Variants in DPYD observed in about 807,000 individuals in gnomAD.
The protein encoded by DPYD is dihydropyrimidine dehydrogenase [NADP(+)].
Under a neutral mutation model 116.2 loss-of-function variants are expected in DPYD, and 109 were observed. The observed-to-expected ratio is 0.94, with a 90% CI of 0.80 to 1.10. The LOEUF (loss-of-function observed/expected upper bound fraction) is 1.10. Among genes scored for constraint, DPYD ranks in the 50% least tolerant of loss-of-function variants. The probability of loss-of-function intolerance (pLI) is 0.00; values close to 1 mark genes in which losing one functional copy is unlikely to be tolerated. For missense variants in DPYD, 1,302 were observed against 1,254.5 expected (o/e 1.04, Z -0.57); for synonymous variants, 440 against 432.0 (o/e 1.02, Z -0.23).
chr1:97,161,202 T>C (rs1365974286), intron 20 of DPYD, among the ~76,000 whole-genome samples: 1 of 152,180 alleles, frequency 6.6e-6, no homozygotes, highest in African/African-American at 2.4e-5. Context: ...CAAGGATTTT[T>C]CCCTTAAATA....
rs17117112 is a variant in DPYD, at chr1:97,760,023, A to T, written c.234-19544T>A. 6.1e-3 allele frequency among the ~76,000 whole-genome samples: 927 copies of T among 152,302 alleles called. 8 individuals are homozygous for T. The highest frequency in any genetic ancestry group is 0.021 in the African/African-American group (869 of 41,576). On this transcript the variant is annotated intron_variant, in intron 3 of 22. Coordinates refer to ENST00000370192, the MANE Select transcript of DPYD (RefSeq NM_000110.4). ...CCCATAGAAAGTGGCTTTTGGGATG[A>T]ATCTTAAAGAACGATGTCTTCAACA... is the stretch of plus-strand genomic sequence containing the variant.
intron 20 of DPYD, among the ~76,000 whole-genome samples, chr1:97,185,943 TTAAGACCTCTG>T (rs1309756608): frequency 6.6e-6 from 1 of 152,218 alleles, no homozygotes; most frequent in East Asian, 1.9e-4. Context: ...AATGGTTCAT[TTAAGACCTCTG>T]TATTTTTCCT....
intron 19 of DPYD, among the ~76,000 whole-genome samples, chr1:97,226,525 A>G (rs1345630380): frequency 6.6e-6 from 1 of 152,200 alleles, no homozygotes; most frequent in Non-Finnish European, 1.5e-5. Flanking sequence ...AATGTATTCA[A>G]TAAAGCTGCA....
chr1:97,479,754 G>A (rs987083015), intron 13 of DPYD, among the ~76,000 whole-genome samples: 13 of 152,214 alleles, frequency 8.5e-5, no homozygotes, highest in African/African-American at 3.1e-4. Context: ...GTATGTTTGT[G>A]AGGTATGTTT....
chr1:97,358,156 G>A (rs776778498), intron 16 of DPYD, among the ~76,000 whole-genome samples: 11 of 152,218 alleles, frequency 7.2e-5, no homozygotes, highest in Non-Finnish European at 1.2e-4. Flanking sequence ...TATATCCTGC[G>A]CCTGGCTCAG....
intron 5 of DPYD, among the ~76,000 whole-genome samples, chr1:97,708,988 T>C (rs1202206396): frequency 9.9e-5 from 15 of 151,952 alleles, no homozygotes; most frequent in Non-Finnish European, 2.1e-4. Flanking sequence ...TCTTATATCC[T>C]TTTTTGCCAA....
At chr1:97,251,362 A>T (rs1181060802) in intron 18 of DPYD, among the ~76,000 whole-genome samples, 1 of 141,862 alleles carries the variant, frequency 7.0e-6, no homozygotes, top group Non-Finnish European at 1.5e-5. Flanking sequence ...ATTGCACTCC[A>T]GCCTGGCCAA....
chr1:97,283,839 T>C (rs1557997770), intron 18 of DPYD, among the ~76,000 whole-genome samples: 1 of 152,146 alleles, frequency 6.6e-6, no homozygotes, highest in Non-Finnish European at 1.5e-5. Flanking sequence ...TACTGTACAG[T>C]GGAACACTGG....
At position 97,593,869 on chromosome 1, in the gene DPYD, C is replaced by T. The variant is rs200692663; in HGVS notation, c.959-482G>A. On this transcript the variant is annotated intron_variant, in intron 9 of 22. Transcript: ENST00000370192. ...ATATTTTGTTAACTTTGAATATTAA[C>T]GTGCTGAATAAGTGTCCTTTATGTA... is the stretch of plus-strand genomic sequence containing the variant. Among the ~76,000 whole-genome samples, 19 of 152,228 alleles carry T rather than the reference C, an allele frequency of 1.2e-4. No homozygotes were observed. The East Asian group carries it at 1.9e-3, about 15-fold the overall frequency.
At chr1:97,654,387 C>T (rs1165770250) in intron 8 of DPYD, among the ~76,000 whole-genome samples, 1 of 152,030 alleles carries the variant, frequency 6.6e-6, no homozygotes, top group East Asian at 1.9e-4. Flanking sequence ...TGACATCAGC[C>T]AATATATAAA....
chr1:97,793,118 T>C (rs1000236943), intron 3 of DPYD, among the ~76,000 whole-genome samples: 42 of 152,216 alleles, frequency 2.8e-4, no homozygotes, highest in African/African-American at 1.0e-3. Flanking sequence ...AATCTCTATA[T>C]AGTGTACTGT....
intron 18 of DPYD, among the ~76,000 whole-genome samples, chr1:97,261,663 T>C (rs1253970096): frequency 6.6e-6 from 1 of 152,004 alleles, no homozygotes; most frequent in African/African-American, 2.4e-5. Flanking sequence ...GGTATGAATT[T>C]AGTTAAGAGA....
At chr1:97,754,987 C>G (rs887324053) in intron 3 of DPYD, among the ~76,000 whole-genome samples, 1 of 152,102 alleles carries the variant, frequency 6.6e-6, no homozygotes, top group Non-Finnish European at 1.5e-5. Context: ...TGTGGACAGG[C>G]CAAGTAACAC....
At chr1:97,340,205 G>T (rs1280475098) in intron 16 of DPYD, among the ~76,000 whole-genome samples, 1 of 150,702 alleles carries the variant, frequency 6.6e-6, no homozygotes, top group East Asian at 1.9e-4. Flanking sequence ...TGAAAATAGA[G>T]AAAAGAAAAA....
At chr1:97,730,493 G>A (rs907640641) in intron 4 of DPYD, among the ~76,000 whole-genome samples, 7 of 151,858 alleles carry the variant, frequency 4.6e-5, no homozygotes, top group African/African-American at 1.7e-4. Context: ...CAAATTGAGG[G>A]GATTACACAC....
chr1:97,534,046 G>A (rs972361008), intron 12 of DPYD, among the ~76,000 whole-genome samples: 8 of 151,992 alleles, frequency 5.3e-5, no homozygotes, highest in African/African-American at 1.9e-4. Flanking sequence ...CCTAAACTCG[G>A]TGTCCTCATA....
At chr1:97,242,441 T>C (rs1193684648) in intron 18 of DPYD, among the ~76,000 whole-genome samples, 1 of 151,266 alleles carries the variant, frequency 6.6e-6, no homozygotes, top group East Asian at 1.9e-4. Flanking sequence ...GCTCCCATTG[T>C]TGGCAAAAAA....
intron 16 of DPYD, among the ~76,000 whole-genome samples, chr1:97,307,170 T>G (rs1667224394): frequency 6.6e-6 from 1 of 151,880 alleles, no homozygotes. Flanking sequence ...TTACTTTTAG[T>G]GCAAAATTTA....
At chr1:97,425,165 T>C (rs1674793928) in intron 14 of DPYD, among the ~76,000 whole-genome samples, 1 of 152,014 alleles carries the variant, frequency 6.6e-6, no homozygotes, top group Non-Finnish European at 1.5e-5. Flanking sequence ...ATCAATACTA[T>C]TTTTTAAGCC....
Sources: allele counts gnomAD v4.1 joint callset (sites outside exome capture counted in the v4.1 genomes callset), GRCh38; gene constraint gnomAD v4.1.1; transcripts MANE v1.5; gene names NCBI Gene and HGNC (gene_info 2026-07-23, HGNC 2026-07-21).